Variants in UCHL1 observed in about 807,000 individuals in gnomAD.
UCHL1 encodes ubiquitin carboxyl-terminal hydrolase isozyme L1.
In UCHL1, 5 loss-of-function variants were observed where a neutral mutation model predicts 33.3. The observed-to-expected ratio is 0.15, with a 90% CI of 0.08 to 0.32. UCHL1 has a LOEUF of 0.32. Ranked by LOEUF, UCHL1 falls within the 10% of genes least tolerant of loss-of-function variation. The pLI, the probability that UCHL1 is intolerant of heterozygous loss-of-function variation, is 1.00. For missense variants in UCHL1, 236 were observed against 280.0 expected (o/e 0.84, Z 1.12); for synonymous variants, 132 against 108.8 (o/e 1.21, Z -1.33).
rs1048744513 is a variant in UCHL1, at chr4:41,261,995, T to A, written c.459+72T>A. 16 of 1,581,254 alleles carry A rather than the reference T, an allele frequency of 1.0e-5. 1 individual carries two copies. In the African/African-American group the frequency reaches 1.9e-4, roughly 19 times the overall value. ...TGTTTCTACTGAAATTGTGCAGGAA[T>A]CTCTTACTGGAACACAGCAAATGTT... On this transcript the variant is annotated intron_variant, in intron 6 of 8. Coordinates refer to ENST00000284440, the MANE Select transcript of UCHL1 (RefSeq NM_004181.5).
At chr4:41,267,908 A>C in intron 8 of UCHL1, 79 bp from the exon 9 acceptor site, 2 of 1,281,114 alleles carry the variant, frequency 1.6e-6, no homozygotes, top group Non-Finnish European at 2.2e-6. Context: ...GAGCATTAAT[A>C]GACCTTGGAG....
chr4:41,263,789 C>T (rs533445653), intron 7 of UCHL1, among the ~76,000 whole-genome samples: 27 of 152,334 alleles, frequency 1.8e-4, no homozygotes, highest in Admixed American at 1.1e-3. Flanking sequence ...CCTCTCGCCT[C>T]CATCTTCCCT....
At chr4:41,260,325 C>A (rs1781050661) in intron 3 of UCHL1, among the ~76,000 whole-genome samples, 3 of 152,190 alleles carry the variant, frequency 2.0e-5, no homozygotes. Context: ...GAATTGGTTT[C>A]TTTGTTTTCT....
At position 41,268,318 on chromosome 4, in the gene UCHL1, C is replaced by T. The variant is rs140683078; in HGVS notation, c.*245C>T. The T allele has an allele frequency of 1.8e-3, 992 of 560,238 alleles. 5 individuals are homozygous for T. The highest frequency in any genetic ancestry group is 0.016 in the African/African-American group (852 of 53,276). The allele number at this position is 560,238 out of a possible 1,614,324, so 34.7% of individuals were successfully genotyped here. On this transcript the variant is annotated 3_prime_UTR_variant, in exon 9 of 9. Transcript: ENST00000284440. ...TTCTCCCCAGTGTATGTCTTGTATC[C>T]GATATCTAACGCTTTAAATGGCTAC...
At position 41,261,919 on chromosome 4, in the gene UCHL1, G is replaced by C. The variant is rs779001647; in HGVS notation, c.455G>C (p.Cys152Ser). 1 of 1,614,128 alleles carries C rather than the reference G, an allele frequency of 6.2e-7. No homozygotes were observed. Among genetic ancestry groups the C allele is most frequent in the South Asian group, 1.1e-5 (1 of 91,080 alleles). The change falls in exon 6 of 9, where the codon TGT becomes TCT. Residue 152 changes from cysteine to serine, a missense_variant. Physicochemically the swap from Cys to Ser is moderately radical, Grantham distance 112. Coordinates refer to ENST00000284440, the MANE Select transcript of UCHL1 (RefSeq NM_004181.5). ...AHDAVAQEGQ[C>S]RVDDKVNFHF... ...GATGCCGTGGCACAGGAAGGCCAAT[G>C]TCGGGTAAATGCAAATACAAATCGG...
At chr4:41,264,807 A>C (rs1474413887) in intron 8 of UCHL1, among the ~76,000 whole-genome samples, 1 of 152,242 alleles carries the variant, frequency 6.6e-6, no homozygotes, top group African/African-American at 2.4e-5. Flanking sequence ...AAATTGCTTA[A>C]TTATGATACA....
intron 8 of UCHL1, among the ~76,000 whole-genome samples, chr4:41,267,231 GT>G (rs35305367): frequency 0.98 from 146,468 of 149,410 alleles, 71,821 homozygotes; most frequent in Middle Eastern, 1. Flanking sequence ...CGTTAAGGCT[GT>G]TTTTTTTTTT....
At chr4:41,264,006 GT>G in intron 7 of UCHL1, 96 bp from the exon 8 acceptor site, 1 of 1,537,770 alleles carries the variant, frequency 6.5e-7, no homozygotes, top group Non-Finnish European at 9.0e-7. Context: ...TTTGGCAGTG[GT>G]TTTTGGAAGA....
intron 4 of UCHL1, 99 bp from the exon 5 acceptor site, chr4:41,261,616 C>G: frequency 3.1e-6 from 4 of 1,285,464 alleles, no homozygotes; most frequent in Non-Finnish European, 4.4e-6. Flanking sequence ...ATTAAAGATT[C>G]AGGTTGCTCA....
At chr4:41,257,178 C>T in intron 2 of UCHL1, 52 bp downstream of exon 2, 1 of 1,610,792 alleles carries the variant, frequency 6.2e-7, no homozygotes, top group Non-Finnish European at 8.5e-7. Flanking sequence ...AGCGCCGAGG[C>T]GGGGGCGCCC....
intron 8 of UCHL1, among the ~76,000 whole-genome samples, chr4:41,267,279 T>C (rs1329375169): frequency 6.6e-6 from 1 of 152,164 alleles, no homozygotes. Flanking sequence ...AGTCTCGCTC[T>C]GTCGCCCAGG....
chr4:41,257,784 G>A, intron 3 of UCHL1, 47 bp downstream of exon 3: 1 of 1,534,184 alleles, frequency 6.5e-7, no homozygotes, highest in South Asian at 1.2e-5. Flanking sequence ...AGTGCACGCC[G>A]CTCCCCAGCT....
At chr4:41,263,991 G>T in intron 7 of UCHL1, 112 bp from the exon 8 acceptor site, 1 of 1,384,018 alleles carries the variant, frequency 7.2e-7, no homozygotes, top group Non-Finnish European at 1.0e-6. Context: ...GCTTCCTTCT[G>T]TGGGTTTGGC....
At chr4:41,264,845 TGAA>T (rs1781127074) in intron 8 of UCHL1, among the ~76,000 whole-genome samples, 1 of 152,246 alleles carries the variant, frequency 6.6e-6, no homozygotes, top group Non-Finnish European at 1.5e-5. Context: ...CTTGCTGTGC[TGAA>T]GAAAAATATA....
In UCHL1 at chr4:41,268,131, ACC is replaced by A; in HGVS notation, c.*64_*65del. 1 of 1,482,444 alleles carries A rather than the reference ACC, an allele frequency of 6.7e-7. No individual in the cohort carries two copies. The highest frequency in any genetic ancestry group is 9.3e-7 in the Non-Finnish European group (1 of 1,072,108). 91.8% of individuals were successfully genotyped at this position (1,482,444 alleles called of 1,614,324 possible). ...TCTTCCCTTCAACATGAAAATATAT[ACC>A]CCCCCATGCAGTCTAAAATGCTTCA... On this transcript the variant is annotated 3_prime_UTR_variant, in exon 9 of 9. Transcript: ENST00000284440.
chr4:41,257,286 AT>A, intron 2 of UCHL1, 160 bp downstream of exon 2: 3 of 1,211,592 alleles, frequency 2.5e-6, no homozygotes, highest in Non-Finnish European at 3.4e-6. Context: ...GGGCCCCTGC[AT>A]TTAGCGGGTG....
At chr4:41,258,974 G>A (rs576466568) in intron 3 of UCHL1, among the ~76,000 whole-genome samples, 177 of 152,312 alleles carry the variant, frequency 1.2e-3, no homozygotes, top group African/African-American at 3.9e-3. Context: ...ATGATGACTC[G>A]GAGGTTTTGA....
rs1206958183 is a variant in UCHL1, at chr4:41,263,297, T to C, written c.526+6T>C. On this transcript the variant is annotated splice_donor_region_variant and intron_variant, in intron 7 of 8. Transcript: ENST00000284440. ...TGGCCACCTCTATGAACTTGGTATGTTTTACTCCATTTTTGGAACCCAGTG... is the reference window on the plus strand; with the variant it reads ...TGGCCACCTCTATGAACTTGGTATGCTTTACTCCATTTTTGGAACCCAGTG... 1 of 1,613,456 alleles carries C rather than the reference T, an allele frequency of 6.2e-7. No homozygotes were observed. Among genetic ancestry groups the C allele is most frequent in the Non-Finnish European group, 8.5e-7 (1 of 1,179,538 alleles).
At chr4:41,263,751 A>C (rs1229380161) in intron 7 of UCHL1, among the ~76,000 whole-genome samples, 2 of 152,226 alleles carry the variant, frequency 1.3e-5, no homozygotes, top group East Asian at 3.9e-4. Flanking sequence ...CAGTCATTGG[A>C]GGGCAGATAA....
Sources: allele counts gnomAD v4.1 joint callset (sites outside exome capture counted in the v4.1 genomes callset), GRCh38; gene constraint gnomAD v4.1.1; transcripts MANE v1.5; gene names NCBI Gene and HGNC (gene_info 2026-07-23, HGNC 2026-07-21).